The following FAXDC2 variants were observed in gnomAD, a reference collection of about 807,000 sequenced individuals.
FAXDC2 encodes fatty acid hydroxylase domain containing 2.
Under a neutral mutation model 40.9 loss-of-function variants are expected in FAXDC2, and 41 were observed. That is an observed-to-expected ratio of 1.00 (90% CI 0.78 to 1.30). FAXDC2 has a LOEUF of 1.30. Among genes scored for constraint, FAXDC2 ranks in the 50% most tolerant of loss-of-function variants. The pLI, the probability that FAXDC2 is intolerant of heterozygous loss-of-function variation, is 0.00. For synonymous variants in FAXDC2, 157 were observed against 149.3 expected, an observed-to-expected ratio of 1.05 and a Z score of -0.38; for missense variants, 390 against 408.8, an observed-to-expected ratio of 0.95 and a Z score of 0.40.
Position 154,821,049 on chromosome 5 carries a change from A to T in FAXDC2, c.845+211T>A, listed in dbSNP as rs745434890. On this transcript the variant is annotated intron_variant, in intron 8 of 8. Coordinates refer to ENST00000326080, the MANE Select transcript of FAXDC2 (RefSeq NM_032385.5). Reference sequence around the variant, plus strand: ...CTTATTCAAAGGGCCCAGAGTCCAAATAAAGGTTTAAAACCCCCAGTTGGA... The same window carrying T: ...CTTATTCAAAGGGCCCAGAGTCCAATTAAAGGTTTAAAACCCCCAGTTGGA... 97 of 555,770 alleles carry T rather than the reference A, an allele frequency of 1.7e-4. No individual in the cohort carries two copies. The South Asian group carries it at 1.7e-3, about 10-fold the overall frequency. The allele number at this position is 555,770 out of a possible 1,614,324, so 34.4% of individuals were successfully genotyped here.
rs1759845628 is a variant in FAXDC2, at chr5:154,820,191, C to T, written c.*125G>A. 2 of 765,248 alleles carry T rather than the reference C, an allele frequency of 2.6e-6. No individual in the cohort carries two copies. The highest frequency in any genetic ancestry group is 5.7e-5 in the Admixed American group (2 of 35,308). The allele number at this position is 765,248 out of a possible 1,614,324, so 47.4% of individuals were successfully genotyped here. ...CTGCTTTTCCGGGAAGCCGACCTTCCCTCTACCCTGGTGGTGCCATCATTA... is the reference window on the plus strand; with the variant it reads ...CTGCTTTTCCGGGAAGCCGACCTTCTCTCTACCCTGGTGGTGCCATCATTA... On this transcript the variant is annotated 3_prime_UTR_variant, in exon 9 of 9. Transcript: ENST00000326080.
chr5:154,840,933 A>G lies in FAXDC2; in HGVS notation c.1-2755T>C, dbSNP rs139113459. ...AGTGTCTTTCAGTGTTTGAGGAGTT[A>G]GGACACCAGAAGGAGGTGATAAGCA... On this transcript the variant is annotated intron_variant, in intron 1 of 8. Transcript: ENST00000326080. Among the ~76,000 whole-genome samples, 41 of 152,318 alleles carry G rather than the reference A, an allele frequency of 2.7e-4. No homozygotes were observed. In the East Asian group the frequency reaches 7.5e-3, roughly 28 times the overall value.
At chr5:154,824,674 C>A (rs1401559892) in intron 5 of FAXDC2, 1 of 665,646 alleles carries the variant, frequency 1.5e-6, no homozygotes, top group African/African-American at 1.8e-5. Flanking sequence ...TATTGAGTAC[C>A]CACTATGTAG....
At chr5:154,839,500 TAGCC>T (rs1242349037) in intron 1 of FAXDC2, among the ~76,000 whole-genome samples, 1 of 151,168 alleles carries the variant, frequency 6.6e-6, no homozygotes, top group Admixed American at 6.6e-5. Flanking sequence ...AAAAAAAAAT[TAGCC>T]AGGTGTGGTA....
chr5:154,835,016 G>T, intron 2 of FAXDC2, 82 bp from the exon 3 acceptor site: 1 of 878,194 alleles, frequency 1.1e-6, no homozygotes, highest in Non-Finnish European at 1.8e-6. Context: ...CAGCGGGAGT[G>T]CTGTAGGATC....
intron 1 of FAXDC2, among the ~76,000 whole-genome samples, chr5:154,841,563 A>G (rs999042447): frequency 1.5e-4 from 23 of 152,190 alleles, no homozygotes; most frequent in Admixed American, 1.2e-3. Context: ...AATTGGGCTT[A>G]TGAAGATTCC....
rs759308186 is a variant in FAXDC2, at chr5:154,850,492, G to A, written c.-10C>T. ...CGTAGTTCCCACTTACCTCTGCAGT[G>A]GGCTGTGTCCAAGCTGCTGAGGTCC... On this transcript the variant is annotated 5_prime_UTR_variant, in exon 1 of 9. Transcript: ENST00000326080. The A allele has an allele frequency of 2.6e-5, 4 of 152,210 alleles. No individual in the cohort carries two copies. Among genetic ancestry groups the A allele is most frequent in the African/African-American group, 4.8e-5 (2 of 41,420 alleles). The allele number at this position is 152,210 out of a possible 1,614,324, so 9.4% of individuals were successfully genotyped here. A position where few individuals can be genotyped will look rare whatever the true frequency, so the allele number is the denominator to read the frequency against.
chr5:154,847,391 A>G (rs1760623337), intron 1 of FAXDC2, among the ~76,000 whole-genome samples: 2 of 152,202 alleles, frequency 1.3e-5, no homozygotes, highest in African/African-American at 4.8e-5. Flanking sequence ...GGACATGGGA[A>G]TAAGGTGAGG....
intron 4 of FAXDC2, among the ~76,000 whole-genome samples, chr5:154,832,696 TTC>T (rs1226024786): frequency 6.6e-5 from 10 of 152,146 alleles, no homozygotes; most frequent in African/African-American, 9.7e-5. Flanking sequence ...TGGAAATATT[TTC>T]TCTCTCTCAT....
chr5:154,825,200 G>A lies in FAXDC2; in HGVS notation c.367-1608C>T, dbSNP rs1442761056. ...TAACATGGTGAAACCTCGTCTCTAC[G>A]AAAAATACAAAAACTTAGCTAGGCG... On this transcript the variant is annotated intron_variant, in intron 5 of 8. Coordinates refer to ENST00000326080, the MANE Select transcript of FAXDC2 (RefSeq NM_032385.5). Among the ~76,000 whole-genome samples the A allele has an allele frequency of 6.8e-5, 10 of 147,976 alleles. No individual in the cohort carries two copies. In the South Asian group the frequency reaches 1.5e-3, roughly 23 times the overall value.
chr5:154,825,538 T>A (rs901573722), intron 5 of FAXDC2, among the ~76,000 whole-genome samples: 1 of 150,334 alleles, frequency 6.7e-6, no homozygotes, highest in African/African-American at 2.5e-5. Flanking sequence ...GCGCCTGTAA[T>A]CCCAGCTACT....
At chr5:154,848,729 G>A (rs1379429860) in intron 1 of FAXDC2, among the ~76,000 whole-genome samples, 3 of 152,246 alleles carry the variant, frequency 2.0e-5, no homozygotes, top group Non-Finnish European at 4.4e-5. Flanking sequence ...CACTTTGGGA[G>A]GCCGAGGTGG....
intron 5 of FAXDC2, among the ~76,000 whole-genome samples, chr5:154,825,843 C>T (rs192638608): frequency 3.3e-5 from 5 of 151,792 alleles, no homozygotes; most frequent in Admixed American, 2.0e-4. Context: ...AGAATGACTC[C>T]AAGGTTTTTG....
chr5:154,838,297 G>T, intron 1 of FAXDC2, 119 bp from the exon 2 acceptor site: 1 of 854,018 alleles, frequency 1.2e-6, no homozygotes, highest in South Asian at 1.6e-5. Context: ...AAAAAAATTG[G>T]CTTGTTGTTC....
chr5:154,821,015 T>TGTCCAGAGCTTATTCAAAGGGCCCA (rs1428480767), intron 8 of FAXDC2: 15 of 484,250 alleles, frequency 3.1e-5, no homozygotes, highest in Non-Finnish European at 5.6e-5. Context: ...CTAAAGAGAA[T>TGTCCAGAGCTTATTCAAAGGGCCCA]GTCCAGAGCT....
chr5:154,829,184 C>A (rs1158869136), intron 5 of FAXDC2, among the ~76,000 whole-genome samples: 1 of 152,180 alleles, frequency 6.6e-6, no homozygotes, highest in Admixed American at 6.6e-5. Context: ...TGAACCACCA[C>A]GCCCAGGCTT....
chr5:154,820,206 T>G lies in FAXDC2; in HGVS notation c.*110A>C. On this transcript the variant is annotated 3_prime_UTR_variant, in exon 9 of 9. Transcript: ENST00000326080. ...GCCGACCTTCCCTCTACCCTGGTGG[T>G]GCCATCATTAGGGCGTGTGGCCGAA... The G allele has an allele frequency of 1.2e-6, 1 of 859,748 alleles. No homozygotes were observed. Among genetic ancestry groups the G allele is most frequent in the Non-Finnish European group, 1.8e-6 (1 of 552,016 alleles). The allele number at this position is 859,748 out of a possible 1,614,324, so 53.3% of individuals were successfully genotyped here.
rs767294026 is a variant in FAXDC2, at chr5:154,824,551, C to A, written c.367-959G>T. 4 of 702,576 alleles carry A rather than the reference C, an allele frequency of 5.7e-6. No homozygotes were observed. The Admixed American group carries it at 6.0e-5, about 11-fold the overall frequency. 43.5% of individuals were successfully genotyped at this position (702,576 alleles called of 1,614,324 possible). A position where few individuals can be genotyped will look rare whatever the true frequency, so the allele number is the denominator to read the frequency against. ...TCCATCCCATTGCGAGGCCAGGTCT[C>A]GCCAGCCTGTTGTGAGAGGACATGT... is the stretch of plus-strand genomic sequence containing the variant. On this transcript the variant is annotated intron_variant, in intron 5 of 8. Transcript: ENST00000326080.
At position 154,834,708 on chromosome 5, in the gene FAXDC2, C is replaced by G. The variant is rs1177453140; in HGVS notation, c.161G>C (p.Gly54Ala). ...SVTWHLQRFWGASGYFWQAQW... is the reference protein window; with the variant it reads ...SVTWHLQRFWAASGYFWQAQW... ...GGCTTGCCAAAAGTAGCCAGAAGCA[C>G]CCCAAAATCTCTGAAGATGCCTTGG... Residue 54 changes from glycine to alanine, a missense_variant, in exon 4 of 9, where the codon GGT becomes GCT. Physicochemically the swap from Gly to Ala is moderately conservative, Grantham distance 60. Coordinates refer to ENST00000326080, the MANE Select transcript of FAXDC2 (RefSeq NM_032385.5). 5 of 1,613,776 alleles carry G rather than the reference C, an allele frequency of 3.1e-6. No individual in the cohort carries two copies. Among genetic ancestry groups the G allele is most frequent in the Non-Finnish European group, 3.4e-6 (4 of 1,179,932 alleles).
Sources: allele counts gnomAD v4.1 joint callset (sites outside exome capture counted in the v4.1 genomes callset), GRCh38; gene constraint gnomAD v4.1.1; transcripts MANE v1.5; gene names NCBI Gene and HGNC (gene_info 2026-07-23, HGNC 2026-07-21).